Variants in CRACDL observed in about 807,000 individuals in gnomAD.
CRACDL encodes the protein CRACD-like protein.
Under a neutral mutation model 70.6 loss-of-function variants are expected in CRACDL, and 26 were observed. The ratio of observed to expected loss-of-function variants is 0.37; its 90% CI spans 0.27 to 0.51. The LOEUF is 0.51. Ranked by LOEUF, CRACDL falls within the 20% of genes least tolerant of loss-of-function variation. CRACDL has a pLI of 0.94. For missense variants in CRACDL, 1,283 were observed against 1,376.9 expected (o/e 0.93, Z 1.08); for synonymous variants, 618 against 615.2 (o/e 1.00, Z -0.07).
chr2:98,821,905 T>C lies in CRACDL; in HGVS notation c.2368A>G (p.Arg790Gly), dbSNP rs1005462198. The C allele has an allele frequency of 4.4e-6, 7 of 1,603,020 alleles. No homozygotes were observed. The highest frequency in any genetic ancestry group is 1.1e-5 in the South Asian group (1 of 89,924). Residue 790 changes from arginine (R) to glycine (G), a missense_variant, in exon 7 of 10, where the codon AGG (arginine) becomes GGG (glycine). By Grantham distance (125) the Arg-to-Gly change is moderately radical. This residue lies in a region of CRACDL where 921 missense variants were observed against 881.9 expected (regional missense o/e 1.04). Transcript: ENST00000397899. ...PDAGPGEREP[R>G]KEPRTAEKRP... ...TTCTCCGCCGTCCTGGGCTCCTTCC[T>C]GGGTTCCCGCTCTCCCGGGCCGGCG...
At chr2:98,905,929 T>G (rs1419377974) in intron 1 of CRACDL, among the ~76,000 whole-genome samples, 1 of 152,148 alleles carries the variant, frequency 6.6e-6, no homozygotes, top group Non-Finnish European at 1.5e-5. Flanking sequence ...GGTGTGATTT[T>G]TTTTTTAAGT....
chr2:98,897,909 A>C (rs1214879083), intron 1 of CRACDL, among the ~76,000 whole-genome samples: 1 of 152,226 alleles, frequency 6.6e-6, no homozygotes, highest in Admixed American at 6.5e-5. Context: ...TGTGAGGTTC[A>C]GCGGCTGGCT....
chr2:98,915,771 T>C (rs752294608), intron 1 of CRACDL, among the ~76,000 whole-genome samples: 72 of 151,874 alleles, frequency 4.7e-4, no homozygotes, highest in Non-Finnish European at 8.5e-4. Flanking sequence ...GACATCAAGC[T>C]TTCTCCAACT....
rs1002098668 is a variant in CRACDL at position 98,896,719 on chromosome 2, A to G, written c.-11+39219T>C. On this transcript the variant is annotated intron_variant, in intron 1 of 9. Transcript: ENST00000397899. ...CTGAGCCTGTTGTCAGTGACTACCA[A>G]GCTTGTCCAACCTATCTTACTTTGT... Among the ~76,000 whole-genome samples the G allele has an allele frequency of 2.6e-5, 4 of 152,168 alleles. No homozygotes were observed. In the East Asian group the frequency reaches 7.7e-4, roughly 29 times the overall value.
At chr2:98,861,837 T>C (rs922601111) in intron 1 of CRACDL, among the ~76,000 whole-genome samples, 3 of 152,182 alleles carry the variant, frequency 2.0e-5, no homozygotes, top group East Asian at 3.9e-4. Context: ...CCCCCACTTC[T>C]CCATGCATGT....
At chr2:98,810,433 C>T (rs1039042770) in intron 7 of CRACDL, among the ~76,000 whole-genome samples, 1 of 152,232 alleles carries the variant, frequency 6.6e-6, no homozygotes, top group East Asian at 1.9e-4. Context: ...CATGGTTCCA[C>T]CCACGACCTG....
At position 98,823,334 on chromosome 2, in the gene CRACDL, C is replaced by T; in HGVS notation, c.939G>A (p.Gln313=). The change falls in exon 7 of 10, where the codon CAG becomes CAA. Residue 313 remains glutamine, a synonymous_variant. Coordinates refer to ENST00000397899, the MANE Select transcript of CRACDL (RefSeq NM_207362.3). This position sits in a 1 kb window ranked among gnomAD's most constrained non-coding sequence, Gnocchi z 4.0. ...GGARARRARL[Q]HSSALTASVE... ...CGCTGGCCGTGAGCGCGGAGGAGTG[C>T]TGCAGGCGGGCGCGTCTGGCACGGG... The T allele has an allele frequency of 6.7e-7, 1 of 1,494,770 alleles. No individual in the cohort carries two copies. The highest frequency in any genetic ancestry group is 8.8e-7 in the Non-Finnish European group (1 of 1,131,358). The allele number at this position is 1,494,770 out of a possible 1,614,324, so 92.6% of individuals were successfully genotyped here. A position where few individuals can be genotyped will look rare whatever the true frequency, so the allele number is the denominator to read the frequency against.
At chr2:98,803,862 G>C (rs1704183077) in intron 7 of CRACDL, among the ~76,000 whole-genome samples, 1 of 152,158 alleles carries the variant, frequency 6.6e-6, no homozygotes, top group African/African-American at 2.4e-5. Flanking sequence ...CACAGCCCTG[G>C]TTGACCTGGT....
At chr2:98,803,603 T>G in intron 7 of CRACDL, among the ~76,000 whole-genome samples, 1 of 152,236 alleles carries the variant, frequency 6.6e-6, no homozygotes, top group East Asian at 1.9e-4. Flanking sequence ...CACTTCATAC[T>G]TTGGCATATG....
rs1162274952 is a variant in CRACDL, at chr2:98,822,578, A to C, written c.1695T>G (p.Gly565=). 1.4e-6 allele frequency: 2 copies of C among 1,449,490 alleles called. No individual in the cohort carries two copies. The highest frequency in any genetic ancestry group is 3.1e-5 in the East Asian group (1 of 32,580). 89.8% of individuals were successfully genotyped at this position (1,449,490 alleles called of 1,614,324 possible). The part of the protein sequence containing the change: ...AAPERKAERG[G]AELRGAKKFS... ...ACTTCTTCGCGCCTCGCAGCTCGGCACCGCCCCTCTCCGCCTTCCGCTCTG... is the reference window on the plus strand; with the variant it reads ...ACTTCTTCGCGCCTCGCAGCTCGGCCCCGCCCCTCTCCGCCTTCCGCTCTG... Residue 565 remains glycine (G), a synonymous_variant, in exon 7 of 10, where the codon GGT becomes GGG. Coordinates refer to ENST00000397899, the MANE Select transcript of CRACDL (RefSeq NM_207362.3). The surrounding 1 kb of genome is among the most constrained non-coding windows in gnomAD (Gnocchi z 4.9).
intron 1 of CRACDL, among the ~76,000 whole-genome samples, chr2:98,862,962 ATACATTT>A (rs1706995637): frequency 1.3e-5 from 2 of 152,240 alleles, no homozygotes; most frequent in African/African-American, 4.8e-5. Context: ...ATATCTATAT[ATACATTT>A]TACATTTATA....
At chr2:98,929,294 C>T (rs1709011692) in intron 1 of CRACDL, among the ~76,000 whole-genome samples, 1 of 152,196 alleles carries the variant, frequency 6.6e-6, no homozygotes, top group Non-Finnish European at 1.5e-5. Context: ...GGAGAGAACC[C>T]GAGAGCCACG....
chr2:98,826,641 TG>T (rs1368595991), intron 6 of CRACDL, among the ~76,000 whole-genome samples: 1 of 151,906 alleles, frequency 6.6e-6, no homozygotes, highest in African/African-American at 2.4e-5. Context: ...GTAAGAAGCC[TG>T]GGGGGTAGGC....
chr2:98,868,765 T>C (rs1161428571), intron 1 of CRACDL, among the ~76,000 whole-genome samples: 10 of 152,230 alleles, frequency 6.6e-5, no homozygotes, highest in African/African-American at 2.4e-4. Context: ...AAACACGGTA[T>C]GGTAAGAATG....
At chr2:98,816,112 T>C (rs779700983) in intron 7 of CRACDL, among the ~76,000 whole-genome samples, 2 of 152,134 alleles carry the variant, frequency 1.3e-5, no homozygotes, top group Non-Finnish European at 2.9e-5. Flanking sequence ...GGGTTGTTGA[T>C]ACCACCAGTG....
chr2:98,859,966 A>G (rs1706872345), intron 1 of CRACDL, among the ~76,000 whole-genome samples: 1 of 152,210 alleles, frequency 6.6e-6, no homozygotes, highest in Non-Finnish European at 1.5e-5. Context: ...AGGATTTAAG[A>G]CCAATACAAA....
chr2:98,839,501 G>A (rs930265345), intron 2 of CRACDL, among the ~76,000 whole-genome samples: 9 of 152,202 alleles, frequency 5.9e-5, no homozygotes, highest in South Asian at 2.1e-4. Flanking sequence ...ATGCATCCTC[G>A]AAGGCCTGAA....
At chr2:98,882,603 C>A (rs1707682092) in intron 1 of CRACDL, among the ~76,000 whole-genome samples, 1 of 152,140 alleles carries the variant, frequency 6.6e-6, no homozygotes, top group South Asian at 2.1e-4. Flanking sequence ...CTGAAGCTAG[C>A]TAGCTGTGAT....
intron 1 of CRACDL, among the ~76,000 whole-genome samples, chr2:98,929,831 G>C (rs1709025675): frequency 6.6e-6 from 1 of 152,118 alleles, no homozygotes; most frequent in Non-Finnish European, 1.5e-5. Context: ...AGGAAGTAGA[G>C]CAGGTGTATA....
Sources: allele counts gnomAD v4.1 joint callset (sites outside exome capture counted in the v4.1 genomes callset), GRCh38; gene constraint gnomAD v4.1.1; regional missense constraint gnomAD v4.1.1; non-coding constraint Gnocchi (gnomAD v3.1); transcripts MANE v1.5; gene names NCBI Gene and HGNC (gene_info 2026-07-23, HGNC 2026-07-21).